DSCAM: variants seen among roughly 807,000 people sequenced by gnomAD.
The protein encoded by DSCAM is cell adhesion molecule DSCAM.
A neutral mutation model predicts 217.7 loss-of-function variants in DSCAM; 47 were observed. The observed-to-expected ratio is 0.22, with a 90% CI of 0.17 to 0.28. The LOEUF (loss-of-function observed/expected upper bound fraction) is 0.28, where lower values mean the gene tolerates loss of function less well. Ranked by LOEUF, DSCAM falls within the 10% of genes least tolerant of loss-of-function variation. The pLI is 1.00. For synonymous variants in DSCAM, 1,056 were observed against 1,015.3 expected (o/e 1.04, Z -0.76); for missense variants, 2,080 against 2,618.3 (o/e 0.79, Z 4.49).
chr21:40,528,393 A>C (rs574194857), intron 3 of DSCAM, among the ~76,000 whole-genome samples: 1 of 152,286 alleles, frequency 6.6e-6, no homozygotes, highest in African/African-American at 2.4e-5. Context: ...CTGGCCTGTT[A>C]TTTTGTTATA....
intron 3 of DSCAM, among the ~76,000 whole-genome samples, chr21:40,549,684 G>C (rs1267428889): frequency 6.6e-6 from 1 of 152,220 alleles, no homozygotes; most frequent in African/African-American, 2.4e-5. Flanking sequence ...TTTGGGACAA[G>C]TCATACTTCA....
At chr21:40,734,486 G>T (rs1324674027) in intron 1 of DSCAM, among the ~76,000 whole-genome samples, 1 of 152,218 alleles carries the variant, frequency 6.6e-6, no homozygotes, top group African/African-American at 2.4e-5. Flanking sequence ...AGACAAAGGG[G>T]CCAGAGCTTA....
chr21:40,282,360 G>T (rs572085870), intron 10 of DSCAM, among the ~76,000 whole-genome samples: 62 of 152,054 alleles, frequency 4.1e-4, no homozygotes, highest in African/African-American at 1.4e-3. Flanking sequence ...GGCCGAGGCG[G>T]GTGGATCACG....
intron 9 of DSCAM, 57 bp downstream of exon 9, chr21:40,312,024 T>G: frequency 7.5e-7 from 1 of 1,327,926 alleles, no homozygotes. Flanking sequence ...CCCATCATCT[T>G]AAACCATTGT....
intron 3 of DSCAM, among the ~76,000 whole-genome samples, chr21:40,402,273 G>A (rs2075243004): frequency 6.6e-6 from 1 of 151,076 alleles, no homozygotes; most frequent in African/African-American, 2.4e-5. Flanking sequence ...GTTTCACTGT[G>A]TTAGCCAGGA....
At chr21:40,142,532 C>T in intron 18 of DSCAM, 26 bp downstream of exon 18, 3 of 1,611,500 alleles carry the variant, frequency 1.9e-6, no homozygotes, top group African/African-American at 1.3e-5. Context: ...GGAGGCAAAC[C>T]CAAAGTCCTA....
chr21:40,781,073 A>G (rs2091539993), intron 1 of DSCAM, among the ~76,000 whole-genome samples: 1 of 151,970 alleles, frequency 6.6e-6, no homozygotes, highest in South Asian at 2.1e-4. Context: ...CAGTGGCACA[A>G]TCTTGGCTCA....
At chr21:40,756,976 CGTGTGTGTGT>C (rs1555886227) in intron 1 of DSCAM, among the ~76,000 whole-genome samples, 4 of 149,604 alleles carry the variant, frequency 2.7e-5, no homozygotes, top group Admixed American at 1.3e-4. Flanking sequence ...AACAAATGGT[CGTGTGTGTGT>C]GTGTGTGTGT....
chr21:40,605,518 A>C (rs1362925734), intron 3 of DSCAM, among the ~76,000 whole-genome samples: 1 of 152,182 alleles, frequency 6.6e-6, no homozygotes, highest in East Asian at 1.9e-4. Flanking sequence ...CAGAGTCTCT[A>C]TTGCAGCTCC....
At chr21:40,774,455 T>A (rs570169405) in intron 1 of DSCAM, among the ~76,000 whole-genome samples, 13 of 152,232 alleles carry the variant, frequency 8.5e-5, no homozygotes, top group African/African-American at 3.1e-4. Flanking sequence ...AAGGTACACA[T>A]GAGTGACAGT....
At chr21:40,091,719 C>A (rs914820130) in intron 21 of DSCAM, among the ~76,000 whole-genome samples, 2 of 151,998 alleles carry the variant, frequency 1.3e-5, no homozygotes, top group Non-Finnish European at 2.9e-5. Context: ...GCTGGGGAGG[C>A]CTCACAATTA....
intron 3 of DSCAM, among the ~76,000 whole-genome samples, chr21:40,376,231 G>GGCCA (rs2074949138): frequency 6.6e-6 from 1 of 151,926 alleles, no homozygotes; most frequent in Admixed American, 6.6e-5. Context: ...GCCAATTGAT[G>GGCCA]GCCACACTGT....
Position 40,093,739 on chromosome 21 carries a change from C to T in DSCAM, c.3832G>A (p.Val1278Ile), listed in dbSNP as rs772553827. 3.1e-6 allele frequency: 5 copies of T among 1,613,752 alleles called. No homozygotes were observed. The highest frequency in any genetic ancestry group is 3.4e-6 in the Non-Finnish European group (4 of 1,179,896). Reference protein sequence around the residue: ...GRGNSSEIITVEPLAKAPARI... With the variant: ...GRGNSSEIITIEPLAKAPARI... ...TGCCTACCTTTTGCTAGTGGCTCGA[C>T]TGTGATGATTTCACTGCTGTTGCCT... The change falls in exon 21 of 33, where the codon GTC becomes ATC. Residue 1278 changes from valine (V) to isoleucine (I), a missense_variant. Physicochemically the swap from Val to Ile is conservative, Grantham distance 29. Coordinates refer to ENST00000400454, the MANE Select transcript of DSCAM (RefSeq NM_001389.5).
chr21:40,813,859 C>T (rs534379311), intron 1 of DSCAM, among the ~76,000 whole-genome samples: 1 of 152,146 alleles, frequency 6.6e-6, no homozygotes, highest in East Asian at 1.9e-4. Context: ...CTTGGCCAGG[C>T]TGGTCTTGAA....
Position 40,270,425 on chromosome 21 carries a change from T to C in DSCAM, c.2356+5672A>G, listed in dbSNP as rs2073600092. Among the ~76,000 whole-genome samples the C allele has an allele frequency of 3.9e-5, 6 of 152,336 alleles. 1 individual carries two copies. In the South Asian group the frequency reaches 1.2e-3, roughly 32 times the overall value. On this transcript the variant is annotated intron_variant, in intron 11 of 32. Coordinates refer to ENST00000400454, the MANE Select transcript of DSCAM (RefSeq NM_001389.5). ...ATCTGAGTGTTGCATATGTGCAGGA[T>C]AAATTGTTGGGGGAGGACTGCTGGG...
intron 11 of DSCAM, among the ~76,000 whole-genome samples, chr21:40,254,333 G>C (rs554229930): frequency 6.6e-6 from 1 of 152,158 alleles, no homozygotes; most frequent in South Asian, 2.1e-4. Flanking sequence ...AAGTTGGACT[G>C]GCTATGATGA....
chr21:40,378,372 T>C (rs73229145), intron 3 of DSCAM, among the ~76,000 whole-genome samples: 1 of 152,058 alleles, frequency 6.6e-6, no homozygotes, highest in Non-Finnish European at 1.5e-5. Flanking sequence ...TAGGTGGGCA[T>C]GTAAATTGGT....
intron 3 of DSCAM, among the ~76,000 whole-genome samples, chr21:40,385,792 T>C (rs760254573): frequency 6.6e-6 from 1 of 152,052 alleles, no homozygotes; most frequent in African/African-American, 2.4e-5. Context: ...AAACTTTATA[T>C]ATATTTTTTT....
intron 32 of DSCAM, among the ~76,000 whole-genome samples, chr21:40,021,032 C>T (rs1489354124): frequency 1.3e-5 from 2 of 150,314 alleles, no homozygotes; most frequent in Non-Finnish European, 3.0e-5. Context: ...ATACCAGGGT[C>T]AGGGGAGGCT....
Sources: allele counts gnomAD v4.1 joint callset (sites outside exome capture counted in the v4.1 genomes callset), GRCh38; gene constraint gnomAD v4.1.1; transcripts MANE v1.5; gene names NCBI Gene and HGNC (gene_info 2026-07-23, HGNC 2026-07-21).